Variants in APBA2 observed in about 807,000 individuals in gnomAD.
APBA2 encodes the protein amyloid beta precursor protein binding family A member 2.
Under a neutral mutation model 75.0 loss-of-function variants are expected in APBA2, and 30 were observed. The ratio of observed to expected loss-of-function variants is 0.40; its 90% confidence interval spans 0.30 to 0.54. The LOEUF is 0.54. APBA2 is among the 20% of genes least tolerant of loss of function. APBA2 has a pLI of 0.49. For missense variants in APBA2, 801 were observed against 1,016.1 expected (o/e 0.79, Z 2.88); for synonymous variants, 444 against 409.6 (o/e 1.08, Z -1.01).
chr15:29,019,858 G>C lies in APBA2; in HGVS notation c.-41+24052G>C, dbSNP rs1344184475. Among the ~76,000 whole-genome samples, 3 of 152,238 alleles carry C rather than the reference G, an allele frequency of 2.0e-5. No individual in the cohort carries two copies. The East Asian group carries it at 5.8e-4, about 29-fold the overall frequency. ...GGAGAGAGCAAGAAGCAGAAGTGCT[G>C]GCTGTCATCTGCATTCTGCAGTTTA... On this transcript the variant is annotated intron_variant, in intron 3 of 14. Transcript: ENST00000683413.
At chr15:28,942,293 C>T (rs1173218272) in intron 2 of APBA2, among the ~76,000 whole-genome samples, 3 of 152,124 alleles carry the variant, frequency 2.0e-5, no homozygotes, top group Non-Finnish European at 2.9e-5. Context: ...CTGCCATTTC[C>T]CGTGTAATCC....
chr15:28,962,702 AT>A (rs2036542521), intron 2 of APBA2, among the ~76,000 whole-genome samples: 1 of 72 alleles, frequency 0.014, no homozygotes, highest in African/African-American at 0.05. Context: ...GTGAGCCACC[AT>A]GGCCCAGCCT....
intron 6 of APBA2, among the ~76,000 whole-genome samples, chr15:29,084,864 T>C (rs1330860405): frequency 6.6e-6 from 1 of 152,252 alleles, no homozygotes; most frequent in African/African-American, 2.4e-5. Context: ...TGTTGTTTAA[T>C]GTGTTCCTCT....
At chr15:28,981,516 G>A (rs2037620807) in intron 2 of APBA2, among the ~76,000 whole-genome samples, 1 of 152,156 alleles carries the variant, frequency 6.6e-6, no homozygotes, top group Non-Finnish European at 1.5e-5. Flanking sequence ...AACAGTTGCT[G>A]GCAAGGCTCT....
At chr15:29,066,581 G>A (rs936820800) in intron 4 of APBA2, among the ~76,000 whole-genome samples, 1 of 152,052 alleles carries the variant, frequency 6.6e-6, no homozygotes, top group African/African-American at 2.4e-5. Context: ...GGTGTTTAAT[G>A]GGTGCAGAGG....
intron 2 of APBA2, among the ~76,000 whole-genome samples, chr15:28,926,980 C>T (rs561740941): frequency 1.3e-5 from 2 of 152,036 alleles, no homozygotes; most frequent in African/African-American, 4.8e-5. Flanking sequence ...CCTCAGCCTC[C>T]TGAGTAGCTG....
intron 9 of APBA2, among the ~76,000 whole-genome samples, chr15:29,100,261 G>T (rs2044051078): frequency 6.6e-6 from 1 of 152,188 alleles, no homozygotes. Context: ...CACTCCAACT[G>T]TTTCCTTTCA....
chr15:29,018,109 A>G (rs1275616741), intron 3 of APBA2, among the ~76,000 whole-genome samples: 3 of 152,184 alleles, frequency 2.0e-5, no homozygotes, highest in Admixed American at 6.5e-5. Context: ...CCCGGGGGAC[A>G]GTCTCAGGGC....
At chr15:28,968,274 A>G (rs2036849494) in intron 2 of APBA2, among the ~76,000 whole-genome samples, 1 of 152,184 alleles carries the variant, frequency 6.6e-6, no homozygotes, top group Non-Finnish European at 1.5e-5. Context: ...TTGGAGATAG[A>G]CCCTGCTTTT....
chr15:28,994,683 G>C (rs545128384), intron 2 of APBA2, among the ~76,000 whole-genome samples: 1 of 152,302 alleles, frequency 6.6e-6, no homozygotes. Flanking sequence ...TCTGCTAGGG[G>C]TGTCTACCTA....
chr15:28,941,392 G>A (rs955062451), intron 2 of APBA2, among the ~76,000 whole-genome samples: 6 of 151,874 alleles, frequency 4.0e-5, no homozygotes, highest in South Asian at 2.1e-4. Flanking sequence ...TTGCAGGAAC[G>A]GAAAGGACAG....
At chr15:28,963,565 G>C (rs1221802648) in intron 2 of APBA2, among the ~76,000 whole-genome samples, 1 of 152,208 alleles carries the variant, frequency 6.6e-6, no homozygotes, top group Non-Finnish European at 1.5e-5. Context: ...GCAGAAGTGG[G>C]TGAGAAAGCC....
At chr15:28,987,718 A>G (rs1438249727) in intron 2 of APBA2, among the ~76,000 whole-genome samples, 1 of 135,580 alleles carries the variant, frequency 7.4e-6, no homozygotes, top group Non-Finnish European at 1.5e-5. Context: ...GTCAAAGAAT[A>G]TGTGGAGAGA....
intron 1 of APBA2, among the ~76,000 whole-genome samples, chr15:28,899,186 G>A (rs1211920225): frequency 2.6e-5 from 4 of 152,216 alleles, no homozygotes; most frequent in African/African-American, 9.6e-5. Context: ...GAGGTTCTAT[G>A]GCACCACCTG....
chr15:29,077,718 T>C (rs1364043220), intron 6 of APBA2, among the ~76,000 whole-genome samples: 2 of 152,228 alleles, frequency 1.3e-5, no homozygotes, highest in Non-Finnish European at 2.9e-5. Flanking sequence ...GAATTTATAG[T>C]TTCTTCTGTA....
intron 1 of APBA2, among the ~76,000 whole-genome samples, chr15:28,891,473 G>A (rs1258699550): frequency 6.6e-6 from 1 of 152,162 alleles, no homozygotes; most frequent in Non-Finnish European, 1.5e-5. Flanking sequence ...TTCAACACGT[G>A]CCGAGAGACT....
chr15:29,075,059 GC>G, intron 5 of APBA2, 58 bp downstream of exon 5: 1 of 1,241,538 alleles, frequency 8.1e-7, no homozygotes, highest in South Asian at 1.2e-5. Flanking sequence ...TGATGGAGTG[GC>G]CCACCGAGTT....
At chr15:29,087,269 A>ATTTT (rs1555409488) in intron 6 of APBA2, among the ~76,000 whole-genome samples, 2,113 of 152,186 alleles carry the variant, frequency 0.014, 64 homozygotes, top group African/African-American at 0.046. Flanking sequence ...TTTTTTAAAA[A>ATTTT]AAATTATTTA....
chr15:29,102,169 G>A (rs2044158619), intron 10 of APBA2: 1 of 351,448 alleles, frequency 2.8e-6, no homozygotes, highest in Admixed American at 4.4e-5. Flanking sequence ...ATCTGCACAT[G>A]AGGCTTAGTT....
Sources: gnomAD v4.1 joint callset for allele counts (sites outside exome capture counted in the v4.1 genomes callset) on GRCh38, gnomAD v4.1.1 for gene constraint, MANE v1.5 for transcripts, NCBI Gene and HGNC (gene_info 2026-07-23, HGNC 2026-07-21) for gene names.